The following CPSF1 variants were observed in gnomAD, a reference collection of about 807,000 sequenced individuals.
The protein encoded by CPSF1 is cleavage and polyadenylation specificity factor subunit 1.
In CPSF1, 106 loss-of-function variants were observed where a neutral mutation model predicts 175.8. The observed-to-expected ratio is 0.60, with a 90% CI of 0.52 to 0.71. CPSF1 has a LOEUF of 0.71. Among genes scored for constraint, CPSF1 ranks in the 30% least tolerant of loss-of-function variants. CPSF1 has a pLI of 0.00. For missense variants in CPSF1, 1,734 were observed against 2,022.9 expected (o/e 0.86, Z 2.74); for synonymous variants, 1,024 against 858.3 (o/e 1.19, Z -3.37).
chr8:144,395,064 T>A (rs782515815), intron 29 of CPSF1, 34 bp downstream of exon 29: 1 of 1,603,596 alleles, frequency 6.2e-7, no homozygotes, highest in South Asian at 1.1e-5. Context: ...CTGGAGGCCT[T>A]GGGCAGACCC....
Position 144,393,694 on chromosome 8 carries a change from T to G in CPSF1, c.4118A>C (p.His1373Pro), listed in dbSNP as rs1431802733. ...QNALTTMLPH[H>P]AGLNPRAFRM... ...GAAGGCGCGGGGGTTGAGGCCGGCG[T>G]GGTGTGGCAGCATGGTGGTCAGCGC... Residue 1373 changes from histidine (H) to proline (P), a missense_variant, in exon 36 of 38, where the codon CAC becomes CCC. Physicochemically the swap from His to Pro is moderately conservative, Grantham distance 77 (BLOSUM62 -2). Around this residue, in one of 10 missense-constraint regions of CPSF1, gnomAD observed 323 missense variants for 338.5 expected, o/e 0.95. Coordinates refer to ENST00000616140, the MANE Select transcript of CPSF1 (RefSeq NM_013291.3). 3.2e-6 allele frequency: 5 copies of G among 1,563,776 alleles called. No homozygotes were observed. The African/African-American group carries it at 5.4e-5, about 17-fold the overall frequency.
chr8:144,408,934 T>C, intron 2 of CPSF1, 81 bp downstream of exon 2: 1 of 1,531,800 alleles, frequency 6.5e-7, no homozygotes, highest in Non-Finnish European at 8.9e-7. Flanking sequence ...TGTCTGGGGC[T>C]TGGCTCTTCC....
In CPSF1 at chr8:144,397,676, A is replaced by G. The variant is rs781794059; in HGVS notation, c.2211-15T>C. On this transcript the variant is annotated splice_polypyrimidine_tract_variant and intron_variant, in intron 21 of 37. Transcript: ENST00000616140. ...CCACTGTGGGGCTGGGGGCCAGCAGAAGGTCATGGGCGGCCTGCCAGCCCC... is the reference window on the plus strand; with the variant it reads ...CCACTGTGGGGCTGGGGGCCAGCAGGAGGTCATGGGCGGCCTGCCAGCCCC... 3.9e-6 allele frequency: 6 copies of G among 1,548,034 alleles called. No individual in the cohort carries two copies. Among genetic ancestry groups the G allele is most frequent in the African/African-American group, 1.4e-5 (1 of 72,878 alleles).
intron 5 of CPSF1, 23 bp downstream of exon 5, chr8:144,401,188 C>T (rs2116882341): frequency 5.1e-5 from 27 of 524,910 alleles, no homozygotes; most frequent in Admixed American, 2.3e-4. Context: ...GGGGCCTGGG[C>T]GGGGGCGGGA....
At chr8:144,408,780 A>C (rs1374379154) in intron 2 of CPSF1, among the ~76,000 whole-genome samples, 1 of 152,168 alleles carries the variant, frequency 6.6e-6, no homozygotes, top group African/African-American at 2.4e-5. Context: ...AGCAAACAAG[A>C]CGGCTAGGGC....
chr8:144,396,418 C>G lies in CPSF1; in HGVS notation c.2909G>C (p.Gly970Ala), dbSNP rs1198150439. 2 of 1,591,350 alleles carry G rather than the reference C, an allele frequency of 1.3e-6. No homozygotes were observed. Reference sequence around the variant, plus strand: ...GAATGGAGCGAAAGAGTCGACCGGGCCGTCGATGGCCATGGGGTGTAGCCG... The same window carrying G: ...GAATGGAGCGAAAGAGTCGACCGGGGCGTCGATGGCCATGGGGTGTAGCCG... ...ALRLHPMAID[G>A]PVDSFAPFHN... is the part of the protein sequence containing the mutation. The change falls in exon 26 of 38, where the codon GGC (glycine) becomes GCC (alanine). Residue 970 changes from glycine to alanine, a missense_variant. Around this residue, in one of 10 missense-constraint regions of CPSF1, gnomAD observed 585 missense variants for 584.7 expected, o/e 1.00. Transcript: ENST00000616140.
rs146450154 is a variant in CPSF1 at position 144,394,547 on chromosome 8, C to G, written c.3576G>C (p.Leu1192=). The G allele has an allele frequency of 3.7e-6, 6 of 1,609,006 alleles. No individual in the cohort carries two copies. Among genetic ancestry groups the G allele is most frequent in the Non-Finnish European group, 4.2e-6 (5 of 1,178,234 alleles). ...TCAGCTCGCTGGCCCGCAGGCTCCACAGGAAAATCTGGGGGCGAGGGCGAG... is the reference window on the plus strand; with the variant it reads ...TCAGCTCGCTGGCCCGCAGGCTCCAGAGGAAAATCTGGGGGCGAGGGCGAG... ...LVSAIGQKIF[L]WSLRASELTG... The change falls in exon 32 of 38, where the codon CTG becomes CTC. Residue 1192 remains leucine (L), a synonymous_variant. Coordinates refer to ENST00000616140, the MANE Select transcript of CPSF1 (RefSeq NM_013291.3).
In CPSF1 at chr8:144,399,403, C is replaced by T. The variant is rs1398018687; in HGVS notation, c.1295-30G>A. 6.2e-7 allele frequency: 1 copy of T among 1,612,700 alleles called. No individual in the cohort carries two copies. Among genetic ancestry groups the T allele is most frequent in the African/African-American group, 1.3e-5 (1 of 74,938 alleles). ...ACACAGAGAGCCCACTTGAGCGCAG[C>T]CCTGGGTCACCTGGCCCCGCTCCTG... On this transcript the variant is annotated intron_variant, in intron 13 of 37. Transcript: ENST00000616140. This position sits in a 1 kb window ranked among gnomAD's most constrained non-coding sequence, Gnocchi z 6.4.
chr8:144,397,155 G>T (rs574443982), intron 23 of CPSF1, 52 bp downstream of exon 23: 3 of 1,480,242 alleles, frequency 2.0e-6, no homozygotes, highest in Admixed American at 2.0e-5. Flanking sequence ...GTGGGGGAAC[G>T]GGCAGGGCCA....
At position 144,398,842 on chromosome 8, in the gene CPSF1, T is replaced by C. The variant is rs1021083496; in HGVS notation, c.1575A>G (p.Thr525=). The C allele has an allele frequency of 1.2e-6, 2 of 1,609,714 alleles. No homozygotes were observed. The highest frequency in any genetic ancestry group is 2.2e-5 in the East Asian group (1 of 44,714). Residue 525 remains threonine, a synonymous_variant, in exon 17 of 38, where the codon ACA becomes ACG. Coordinates refer to ENST00000616140, the MANE Select transcript of CPSF1 (RefSeq NM_013291.3). ...LQKSIRPQVV[T]TFELPGCYDM... ...CATAGCAGCCGGGAAGCTCAAAGGT[T>C]GTCACCACCTGGGGCCGGATGCTCT...
In CPSF1 at chr8:144,394,691, C is replaced by A. The variant is rs782673364; in HGVS notation, c.3520G>T (p.Ala1174Ser). The A allele has an allele frequency of 2.5e-6, 4 of 1,612,268 alleles. No individual in the cohort carries two copies. The highest frequency in any genetic ancestry group is 3.4e-6 in the Non-Finnish European group (4 of 1,179,460). The change falls in exon 31 of 38, where the codon GCC (alanine) becomes TCC (serine). Residue 1174 changes from alanine (A) to serine (S), a missense_variant. Physicochemically the swap from Ala to Ser is moderately conservative, Grantham distance 99. Transcript: ENST00000616140. ...YEKEQKGPVT[A>S]LCHCNGHLVS... ...AGGTGGCCATTGCAGTGGCACAGGG[C>A]GGTCACGGGCCCCTTCTGCTCCTTC...
intron 2 of CPSF1, among the ~76,000 whole-genome samples, chr8:144,408,563 A>G (rs1821622113): frequency 6.6e-6 from 1 of 152,184 alleles, no homozygotes; most frequent in Non-Finnish European, 1.5e-5. Context: ...TGCCTCAGAC[A>G]GGCTCTTCTG....
rs1820988190 is a variant in CPSF1 at position 144,399,070 on chromosome 8, C to T, written c.1468-32G>A. The T allele has an allele frequency of 9.0e-6, 14 of 1,549,848 alleles. No individual in the cohort carries two copies. The highest frequency in any genetic ancestry group is 1.2e-5 in the Non-Finnish European group (14 of 1,146,798). Reference sequence around the variant, plus strand: ...AGGACTCGGGGGTGAGGACTATGCCCCCCACCCCCCCTCACACTCCAGCCC... The same window carrying T: ...AGGACTCGGGGGTGAGGACTATGCCTCCCACCCCCCCTCACACTCCAGCCC... On this transcript the variant is annotated intron_variant, in intron 15 of 37. Coordinates refer to ENST00000616140, the MANE Select transcript of CPSF1 (RefSeq NM_013291.3). This position sits in a 1 kb window ranked among gnomAD's most constrained non-coding sequence, Gnocchi z 6.4.
intron 2 of CPSF1, among the ~76,000 whole-genome samples, chr8:144,406,980 A>G (rs1554869262): frequency 6.6e-6 from 1 of 151,334 alleles, no homozygotes; most frequent in East Asian, 1.9e-4. Flanking sequence ...GTGGAGTGCA[A>G]TCTCGGCTCA....
intron 2 of CPSF1, among the ~76,000 whole-genome samples, chr8:144,408,083 C>T (rs1354343422): frequency 6.6e-6 from 1 of 152,200 alleles, no homozygotes; most frequent in Non-Finnish European, 1.5e-5. Flanking sequence ...GGTTGGCCTC[C>T]TTTGGCCTGA....
chr8:144,396,370 C>T lies in CPSF1; in HGVS notation c.2957G>A (p.Gly986Asp). ...CACCTGTCTGTTGAAGTACAGGAAG[C>T]CGCGGGGACAGTTGACATTGTGGAA... ...APFHNVNCPR[G>D]FLYFNRQGEL... Residue 986 changes from glycine (G) to aspartate (D), a missense_variant, in exon 26 of 38, where the codon GGC becomes GAC. This residue lies in a region of CPSF1 where 585 missense variants were observed against 584.7 expected (regional missense o/e 1.00). Transcript: ENST00000616140. The T allele has an allele frequency of 6.3e-7, 1 of 1,587,360 alleles. No individual in the cohort carries two copies. The highest frequency in any genetic ancestry group is 8.5e-7 in the Non-Finnish European group (1 of 1,169,882).
chr8:144,400,128 T>TGCCCCGCCCCCCCCCC, intron 9 of CPSF1, 38 bp downstream of exon 9: 1 of 909,870 alleles, frequency 1.1e-6, no homozygotes, highest in Non-Finnish European at 1.5e-6. Context: ...GCCCAAGCCG[T>TGCCCCGCCCCCCCCCC]CCCCGGGCCC....
chr8:144,393,710 T>C lies in CPSF1; in HGVS notation c.4102A>G (p.Thr1368Ala). 1 of 1,566,468 alleles carries C rather than the reference T, an allele frequency of 6.4e-7. No individual in the cohort carries two copies. Among genetic ancestry groups the C allele is most frequent in the Non-Finnish European group, 8.6e-7 (1 of 1,162,942 alleles). Residue 1368 changes from threonine to alanine, a missense_variant, in exon 36 of 38, where the codon ACC (threonine) becomes GCC (alanine). Physicochemically the swap from Thr to Ala is moderately conservative, Grantham distance 58 (BLOSUM62 0). This residue lies in a region of CPSF1 where 323 missense variants were observed against 338.5 expected (regional missense o/e 0.95). Transcript: ENST00000616140. ...AGGCCGGCGTGGTGTGGCAGCATGG[T>C]GGTCAGCGCGTTCTGCAGCATCAGC... ...RLLMLQNALT[T>A]MLPHHAGLNP... is the part of the protein sequence containing the mutation.
In CPSF1 at chr8:144,393,514, G is replaced by A; in HGVS notation, c.4222C>T (p.Leu1408=). 1.3e-6 allele frequency: 2 copies of A among 1,591,136 alleles called. No homozygotes were observed. The highest frequency in any genetic ancestry group is 8.5e-7 in the Non-Finnish European group (1 of 1,170,908). The change falls in exon 37 of 38, where the codon CTG becomes TTG. Residue 1408 remains leucine (L), a synonymous_variant. Coordinates refer to ENST00000616140, the MANE Select transcript of CPSF1 (RefSeq NM_013291.3). ...VLDGELLNRY[L]YLSTMERSEL... is the part of the protein sequence containing the mutation. ...CTGCGCTCCATGGTGCTCAGGTACA[G>A]GTAGCGGTTGAGCAGCTCCCCATCC... is the stretch of plus-strand genomic sequence containing the variant.
Sources: gnomAD v4.1 joint callset for allele counts (sites outside exome capture counted in the v4.1 genomes callset) on GRCh38, gnomAD v4.1.1 for gene constraint, gnomAD v4.1.1 regional missense constraint, Gnocchi (gnomAD v3.1) non-coding constraint, MANE v1.5 for transcripts, NCBI Gene and HGNC (gene_info 2026-07-23, HGNC 2026-07-21) for gene names.